The following RFX3 variants were observed in gnomAD, a reference collection of about 807,000 sequenced individuals.
RFX3 encodes regulatory factor X3, also known as transcription factor RFX3.
A neutral mutation model predicts 98.6 loss-of-function variants in RFX3; 14 were observed. The ratio of observed to expected loss-of-function variants is 0.14; its 90% CI spans 0.09 to 0.22. The LOEUF (loss-of-function observed/expected upper bound fraction) is 0.22, where lower values mean the gene tolerates loss of function less well. Among genes scored for constraint, RFX3 ranks in the 10% least tolerant of loss-of-function variants. The pLI is 1.00. For synonymous variants in RFX3, 383 were observed against 328.4 expected, an observed-to-expected ratio of 1.17 and a Z score of -1.80; for missense variants, 639 against 926.9, an observed-to-expected ratio of 0.69 and a Z score of 4.03.
intron 1 of RFX3, among the ~76,000 whole-genome samples, chr9:3,476,600 T>C (rs909618117): frequency 1.3e-5 from 2 of 152,202 alleles, no homozygotes; most frequent in Non-Finnish European, 2.9e-5. Flanking sequence ...TGCATTCATG[T>C]TGTATTATAA....
chr9:3,398,920 A>ATAAAAT (rs200180688), intron 1 of RFX3, among the ~76,000 whole-genome samples: 1,525 of 146,940 alleles, frequency 0.01, 58 homozygotes, highest in African/African-American at 0.037. Flanking sequence ...ATAATAAAAA[A>ATAAAAT]AAAAAAAAAA....
At chr9:3,270,228 C>T (rs1041521943) in intron 11 of RFX3, 143 bp downstream of exon 11, 29 of 717,560 alleles carry the variant, frequency 4.0e-5, no homozygotes, top group Non-Finnish European at 3.7e-5. Flanking sequence ...GCTGCTTTCA[C>T]GCAATATTCT....
chr9:3,455,452 G>T (rs983553507), intron 1 of RFX3, among the ~76,000 whole-genome samples: 1 of 151,902 alleles, frequency 6.6e-6, no homozygotes, highest in Admixed American at 6.6e-5. Context: ...CTACTTCATT[G>T]AAGTTATCAT....
At chr9:3,465,998 G>A (rs568816991) in intron 1 of RFX3, among the ~76,000 whole-genome samples, 46 of 152,046 alleles carry the variant, frequency 3.0e-4, no homozygotes, top group African/African-American at 1.1e-3. Flanking sequence ...TATTTGAGTT[G>A]GAAAATAAGA....
At chr9:3,384,875 C>T (rs1266658079) in intron 2 of RFX3, among the ~76,000 whole-genome samples, 2 of 152,196 alleles carry the variant, frequency 1.3e-5, no homozygotes, top group Admixed American at 1.3e-4. Context: ...GCCAGGTCTT[C>T]ATACACTCAC....
chr9:3,338,893 C>T (rs1465606122), intron 3 of RFX3, among the ~76,000 whole-genome samples: 1 of 152,012 alleles, frequency 6.6e-6, no homozygotes, highest in Non-Finnish European at 1.5e-5. Flanking sequence ...TTCGAGACCA[C>T]CGTGGCCAAT....
chr9:3,479,347 G>A (rs1372003958), intron 1 of RFX3, among the ~76,000 whole-genome samples: 3 of 151,868 alleles, frequency 2.0e-5, no homozygotes, highest in Non-Finnish European at 4.4e-5. Flanking sequence ...GTAATATTCT[G>A]AATTTATAAT....
At chr9:3,345,777 G>A (rs952305553) in intron 3 of RFX3, among the ~76,000 whole-genome samples, 3 of 152,140 alleles carry the variant, frequency 2.0e-5, no homozygotes, top group South Asian at 2.1e-4. Context: ...TTCTGGTGTT[G>A]AGTTATTACA....
intron 1 of RFX3, chr9:3,488,964 T>A (rs932519597): frequency 1.3e-4 from 98 of 753,920 alleles, no homozygotes; most frequent in Non-Finnish European, 1.5e-4. Flanking sequence ...TGATGGATTC[T>A]ATTTCATCAT....
chr9:3,424,923 C>T (rs989340512), intron 1 of RFX3, among the ~76,000 whole-genome samples: 7 of 152,022 alleles, frequency 4.6e-5, no homozygotes, highest in Non-Finnish European at 2.9e-5. Context: ...GAGTAGGATG[C>T]CTTAATAAGA....
Position 3,270,086 on chromosome 9 carries a change from G to GAAAGAAAGAAAGAAAGAAAT in RFX3, c.1357+284_1357+285insATTTCTTTCTTTCTTTCTTT, listed in dbSNP as rs1202213371. Among the ~76,000 whole-genome samples, 53 of 11,154 alleles carry GAAAGAAAGAAAGAAAGAAAT rather than the reference G, an allele frequency of 4.8e-3. 1 individual carries two copies. Among genetic ancestry groups the GAAAGAAAGAAAGAAAGAAAT allele is most frequent in the Admixed American group, 9.1e-3 (4 of 438 alleles). The allele number at this position is 11,154 out of a possible 152,430, so 7.3% of individuals were successfully genotyped here. A position where few individuals can be genotyped will look rare whatever the true frequency, so the allele number is the denominator to read the frequency against. On this transcript the variant is annotated intron_variant, in intron 11 of 16. Coordinates refer to ENST00000617270, the MANE Select transcript of RFX3 (RefSeq NM_001282116.2). ...AAAGAAAGAAAGAGAAAGAAGGAAAGAAAGAAAGAAAGAAAGAAAGAAAGA... is the reference window on the plus strand; with the variant it reads ...AAAGAAAGAAAGAGAAAGAAGGAAAGAAAGAAAGAAAGAAAGAAATAAAGAAAGAAAGAAAGAAAGAAAGA...
intron 1 of RFX3, among the ~76,000 whole-genome samples, chr9:3,423,731 C>A (rs960982998): frequency 1.7e-4 from 24 of 141,252 alleles, no homozygotes; most frequent in African/African-American, 5.9e-4. Context: ...AAACTCAACT[C>A]AACATTTTTT....
chr9:3,304,068 T>A (rs1828994605), intron 4 of RFX3, among the ~76,000 whole-genome samples: 1 of 151,968 alleles, frequency 6.6e-6, no homozygotes, highest in South Asian at 2.1e-4. Flanking sequence ...GACACCAGCC[T>A]CAGCATGCAT....
intron 1 of RFX3, among the ~76,000 whole-genome samples, chr9:3,493,964 T>A (rs1850933421): frequency 6.6e-6 from 1 of 151,926 alleles, no homozygotes; most frequent in Admixed American, 6.6e-5. Flanking sequence ...TCTCTGAAGG[T>A]TTCCCTAACC....
intron 1 of RFX3, among the ~76,000 whole-genome samples, chr9:3,520,321 G>A (rs1450408619): frequency 4.6e-5 from 7 of 152,088 alleles, no homozygotes; most frequent in African/African-American, 1.7e-4. Context: ...ACTAATTATA[G>A]TAAAATATGG....
intron 1 of RFX3, among the ~76,000 whole-genome samples, chr9:3,426,756 T>G (rs778937600): frequency 8.5e-5 from 13 of 152,182 alleles, no homozygotes; most frequent in Non-Finnish European, 1.2e-4. Context: ...CACCCCCAGA[T>G]GGGACTGTCT....
chr9:3,525,690 C>A (rs1261668841), intron 1 of RFX3, 57 bp downstream of exon 1: 1 of 162,092 alleles, frequency 6.2e-6, no homozygotes, highest in Admixed American at 6.5e-5. Flanking sequence ...CACGGACACA[C>A]GCGTTCACAC....
intron 2 of RFX3, among the ~76,000 whole-genome samples, chr9:3,385,183 A>T (rs1048421525): frequency 6.6e-6 from 1 of 152,166 alleles, no homozygotes; most frequent in Non-Finnish European, 1.5e-5. Flanking sequence ...TGTTCAAATT[A>T]TATGTAAGTA....
chr9:3,301,306 C>T (rs929546679), intron 5 of RFX3, among the ~76,000 whole-genome samples: 8 of 151,640 alleles, frequency 5.3e-5, no homozygotes, highest in East Asian at 1.9e-4. Flanking sequence ...GTTACTAACT[C>T]GAAAATATTA....
Sources: allele counts gnomAD v4.1 joint callset (sites outside exome capture counted in the v4.1 genomes callset), GRCh38; gene constraint gnomAD v4.1.1; transcripts MANE v1.5; gene names NCBI Gene and HGNC (gene_info 2026-07-23, HGNC 2026-07-21).